CFAP58: variants seen among roughly 807,000 people sequenced by gnomAD.
The protein encoded by CFAP58 is cilia and flagella associated protein 58.
CFAP58 carries 88 observed loss-of-function variants against 119.5 expected under a neutral mutation model. The observed-to-expected ratio is 0.74, with a 90% CI of 0.62 to 0.88. CFAP58 has a LOEUF of 0.88. CFAP58 is among the 40% of genes least tolerant of loss of function. CFAP58 has a pLI of 0.00. For synonymous variants in CFAP58, 365 were observed against 366.3 expected (o/e 1.00, Z 0.04); for missense variants, 990 against 1,021.2 (o/e 0.97, Z 0.42).
intron 5 of CFAP58, among the ~76,000 whole-genome samples, chr10:104,367,863 A>C (rs1473128055): frequency 6.6e-6 from 1 of 152,244 alleles, no homozygotes; most frequent in Non-Finnish European, 1.5e-5. Flanking sequence ...GGAAGAGGAA[A>C]ATCTGGCTGA....
chr10:104,399,292 C>T (rs1292507925), intron 11 of CFAP58, 68 bp from the exon 12 acceptor site: 73 of 1,545,930 alleles, frequency 4.7e-5, no homozygotes, highest in Middle Eastern at 3.4e-4. Context: ...CATCTGAATC[C>T]GGGCCCTGTC....
In CFAP58 at chr10:104,357,894, T is replaced by C. The variant is rs1051653869; in HGVS notation, c.10-447T>C. Among the ~76,000 whole-genome samples the C allele has an allele frequency of 2.4e-3, 279 of 118,322 alleles. 7 individuals are homozygous for C. The highest frequency in any genetic ancestry group is 7.2e-3 in the East Asian group (34 of 4,730). 77.6% of individuals were successfully genotyped at this position (118,322 alleles called of 152,430 possible). ...ACATATATGTACACATATATAAACA[T>C]ATATGTACACATATACACACATATA... On this transcript the variant is annotated intron_variant, in intron 1 of 17. Transcript: ENST00000369704.
intron 14 of CFAP58, among the ~76,000 whole-genome samples, chr10:104,405,758 A>G (rs1219333418): frequency 1.3e-5 from 2 of 152,206 alleles, no homozygotes; most frequent in East Asian, 3.8e-4. Flanking sequence ...TCCTGTTGAC[A>G]ATTACCAAAG....
intron 9 of CFAP58, among the ~76,000 whole-genome samples, chr10:104,384,090 CAT>C (rs2011875444): frequency 6.6e-6 from 1 of 152,098 alleles, no homozygotes; most frequent in African/African-American, 2.4e-5. Context: ...ATTTATTTGA[CAT>C]AGTATTATGT....
At chr10:104,435,891 C>A (rs2012925673) in intron 15 of CFAP58, among the ~76,000 whole-genome samples, 1 of 152,184 alleles carries the variant, frequency 6.6e-6, no homozygotes, top group African/African-American at 2.4e-5. Flanking sequence ...AACTTACCAT[C>A]TTCTGCCTGA....
rs2012064735 is a variant in CFAP58, at chr10:104,392,373, C to T, written c.1506C>T (p.Ser502=). The T allele has an allele frequency of 6.3e-7, 1 of 1,591,148 alleles. No homozygotes were observed. The highest frequency in any genetic ancestry group is 1.4e-5 in the African/African-American group (1 of 73,212). Residue 502 remains serine (S), a synonymous_variant, in exon 10 of 18, where the codon AGC becomes AGT. Transcript: ENST00000369704. ...TGAGATCAGACAGAAATCTGTATAG[C>T]AAAAATCTGGTTGAGGCTCAGGTAA... ...EAVRSDRNLY[S]KNLVEAQDEI... is the part of the protein sequence containing the mutation.
At chr10:104,414,963 C>T (rs2012525291) in intron 15 of CFAP58, among the ~76,000 whole-genome samples, 1 of 152,328 alleles carries the variant, frequency 6.6e-6, no homozygotes, top group Non-Finnish European at 1.5e-5. Context: ...ACTCCCCACG[C>T]CCGTGAATGG....
intron 17 of CFAP58, among the ~76,000 whole-genome samples, chr10:104,450,669 T>TTTTATTTATTTA (rs3069011): frequency 0.015 from 2,221 of 143,330 alleles, 33 homozygotes; most frequent in East Asian, 0.056. Context: ...TTCACCTATG[T>TTTTATTTATTTA]TTTATTTATT....
intron 11 of CFAP58, among the ~76,000 whole-genome samples, chr10:104,394,021 C>T (rs906432888): frequency 3.9e-5 from 6 of 152,214 alleles, no homozygotes; most frequent in African/African-American, 1.4e-4. Flanking sequence ...CTCTGCAGGT[C>T]TAAGAACTTT....
rs138243384 is a variant in CFAP58 at position 104,403,893 on chromosome 10, C to T, written c.2151+53C>T. On this transcript the variant is annotated intron_variant, in intron 14 of 17. Coordinates refer to ENST00000369704, the MANE Select transcript of CFAP58 (RefSeq NM_001008723.2). ...TCCCCAAATCTCTCCTCCTATCCCA[C>T]GCGAAGCTTCTAACCTAAAGCACAA... 1,380 of 1,132,730 alleles carry T rather than the reference C, an allele frequency of 1.2e-3. 9 individuals are homozygous for T. Among genetic ancestry groups the T allele is most frequent in the Admixed American group, 0.011 (531 of 47,656 alleles). The allele number at this position is 1,132,730 out of a possible 1,614,324, so 70.2% of individuals were successfully genotyped here.
chr10:104,355,941 C>G (rs866595376), intron 1 of CFAP58, among the ~76,000 whole-genome samples: 1 of 152,206 alleles, frequency 6.6e-6, no homozygotes, highest in South Asian at 2.1e-4. Context: ...GGCTGTTGAT[C>G]AAGTGTTGAC....
At position 104,450,092 on chromosome 10, in the gene CFAP58, A is replaced by G. The variant is rs1446856535; in HGVS notation, c.2398A>G (p.Met800Val). 6.2e-7 allele frequency: 1 copy of G among 1,602,520 alleles called. No individual in the cohort carries two copies. Among genetic ancestry groups the G allele is most frequent in the Admixed American group, 1.8e-5 (1 of 56,824 alleles). The stretch of plus-strand genomic sequence containing the variant: ...TTAGGTTTTGTCTTCAGAATTGAAT[A>G]TGTATGAAGTACAGAGCAAAGAATA... ...QLKVLSSELN[M>V]YEVQSKEYKY... is the part of the protein sequence containing the mutation. The change falls in exon 17 of 18, where the codon ATG becomes GTG. Residue 800 changes from methionine (M) to valine (V), a missense_variant. Met to Val is a conservative substitution (Grantham distance 21). Coordinates refer to ENST00000369704, the MANE Select transcript of CFAP58 (RefSeq NM_001008723.2).
chr10:104,418,689 A>G (rs1386392782), intron 15 of CFAP58, among the ~76,000 whole-genome samples: 2 of 152,146 alleles, frequency 1.3e-5, no homozygotes, highest in African/African-American at 2.4e-5. Context: ...TCAGATACCA[A>G]AGTAATTATT....
intron 10 of CFAP58, among the ~76,000 whole-genome samples, chr10:104,392,890 C>A (rs191150930): frequency 6.6e-6 from 1 of 152,306 alleles, no homozygotes; most frequent in East Asian, 1.9e-4. Flanking sequence ...ATCCACCTGC[C>A]TTGGCCTCCC....
intron 6 of CFAP58, 82 bp downstream of exon 6, chr10:104,368,642 A>T (rs544339008): frequency 1.3e-6 from 2 of 1,498,066 alleles, no homozygotes; most frequent in South Asian, 1.2e-5. Flanking sequence ...CCTCAGTTGG[A>T]GAGCCTGTGT....
intron 11 of CFAP58, among the ~76,000 whole-genome samples, chr10:104,396,404 G>A (rs12249732): frequency 3.8e-3 from 354 of 93,020 alleles, no homozygotes; most frequent in Middle Eastern, 8.2e-3. Context: ...GAGAGAGAGA[G>A]AGAGAGAGAG....
chr10:104,394,469 G>T (rs1230034821), intron 11 of CFAP58, among the ~76,000 whole-genome samples: 1 of 152,102 alleles, frequency 6.6e-6, no homozygotes, highest in Non-Finnish European at 1.5e-5. Flanking sequence ...CTAGTGTTGG[G>T]CAGGCTCAAT....
chr10:104,404,907 A>G (rs1277926257), intron 14 of CFAP58, among the ~76,000 whole-genome samples: 1 of 152,090 alleles, frequency 6.6e-6, no homozygotes, highest in Admixed American at 6.5e-5. Context: ...TTTGTTTTTC[A>G]TTTTAATTTT....
rs559671000 is a variant in CFAP58, at chr10:104,421,631, T to G, written c.2256+14838T>G. Among the ~76,000 whole-genome samples, 261 of 152,326 alleles carry G rather than the reference T, an allele frequency of 1.7e-3. 1 individual carries two copies. Among genetic ancestry groups the G allele is most frequent in the Non-Finnish European group, 1.4e-3 (96 of 68,024 alleles). On this transcript the variant is annotated intron_variant, in intron 15 of 17. Transcript: ENST00000369704. ...TAGACTAAAGAAGGCTTACACAAGG[T>G]GGTATCCATAGTGATTAGTGGATAC...
Sources: gnomAD v4.1 joint callset for allele counts (sites outside exome capture counted in the v4.1 genomes callset) on GRCh38, gnomAD v4.1.1 for gene constraint, MANE v1.5 for transcripts, NCBI Gene and HGNC (gene_info 2026-07-23, HGNC 2026-07-21) for gene names.